ATP8A2: variants seen among roughly 807,000 people sequenced by gnomAD.
The protein encoded by ATP8A2 is phospholipid-transporting ATPase IB.
ATP8A2 carries 100 observed loss-of-function variants against 165.6 expected under a neutral mutation model. That is an observed-to-expected ratio of 0.60 (90% confidence interval 0.51 to 0.71). The LOEUF (loss-of-function observed/expected upper bound fraction) is 0.71, where lower values mean the gene tolerates loss of function less well. Ranked by LOEUF, ATP8A2 falls within the 30% of genes least tolerant of loss-of-function variation. The probability of loss-of-function intolerance (pLI) is 0.00; values close to 1 mark genes in which losing one functional copy is unlikely to be tolerated. For synonymous variants in ATP8A2, 543 were observed against 548.8 expected (o/e 0.99, Z 0.15); for missense variants, 1,227 against 1,479.5 (o/e 0.83, Z 2.80).
At position 25,826,694 on chromosome 13, in the gene ATP8A2, A is replaced by G. The variant is rs115594890; in HGVS notation, c.2680-1424A>G. ...ATGTGACACAGATAACGTTGATTCT[A>G]TGATTTGTATGGGACACTCTAAAGT... On this transcript the variant is annotated intron_variant, in intron 27 of 36. Coordinates refer to ENST00000381655, the MANE Select transcript of ATP8A2 (RefSeq NM_016529.6). Among the ~76,000 whole-genome samples, 469 of 152,316 alleles carry G rather than the reference A, an allele frequency of 3.1e-3. 5 individuals are homozygous for G. The highest frequency in any genetic ancestry group is 0.011 in the African/African-American group (439 of 41,574).
At chr13:25,809,039 C>T (rs986583761) in intron 27 of ATP8A2, among the ~76,000 whole-genome samples, 4 of 152,162 alleles carry the variant, frequency 2.6e-5, no homozygotes, top group African/African-American at 4.8e-5. Flanking sequence ...GAAATTTACA[C>T]GCTACATCTT....
intron 24 of ATP8A2, among the ~76,000 whole-genome samples, chr13:25,609,222 A>T (rs899034879): frequency 1.3e-5 from 2 of 152,066 alleles, no homozygotes; most frequent in African/African-American, 4.8e-5. Context: ...AAAAGCAAAA[A>T]GATAAAAATA....
At chr13:25,385,032 A>G (rs1479894602) in intron 1 of ATP8A2, among the ~76,000 whole-genome samples, 2 of 152,206 alleles carry the variant, frequency 1.3e-5, no homozygotes, top group Non-Finnish European at 2.9e-5. Context: ...ATGTTCCATA[A>G]ACAGTGGGGA....
chr13:25,421,849 G>C (rs1433605131), intron 1 of ATP8A2, among the ~76,000 whole-genome samples: 1 of 152,190 alleles, frequency 6.6e-6, no homozygotes, highest in African/African-American at 2.4e-5. Flanking sequence ...CAAATTCCAC[G>C]GCTTGGCAGG....
intron 33 of ATP8A2, among the ~76,000 whole-genome samples, chr13:25,865,983 C>G (rs1055999039): frequency 6.6e-6 from 1 of 152,042 alleles, no homozygotes; most frequent in Non-Finnish European, 1.5e-5. Flanking sequence ...AAAATGGGTC[C>G]CCAAAGCAAA....
intron 24 of ATP8A2, among the ~76,000 whole-genome samples, chr13:25,632,367 C>G (rs891417788): frequency 3.9e-5 from 6 of 152,104 alleles, no homozygotes; most frequent in African/African-American, 1.4e-4. Flanking sequence ...TCCCAACTCT[C>G]TAATCCTGCC....
chr13:25,625,747 C>A (rs772043683), intron 24 of ATP8A2, among the ~76,000 whole-genome samples: 8 of 151,844 alleles, frequency 5.3e-5, no homozygotes, highest in Admixed American at 2.6e-4. Context: ...CTCTGAATAA[C>A]TAGAAATTTC....
At chr13:25,695,445 T>G (rs910854400) in intron 24 of ATP8A2, among the ~76,000 whole-genome samples, 3 of 152,176 alleles carry the variant, frequency 2.0e-5, no homozygotes, top group African/African-American at 4.8e-5. Context: ...TTGACTCTAC[T>G]TTTCACAAAA....
intron 33 of ATP8A2, among the ~76,000 whole-genome samples, chr13:25,936,467 C>A (rs1264833530): frequency 2.0e-5 from 3 of 152,128 alleles, no homozygotes; most frequent in African/African-American, 7.2e-5. Flanking sequence ...TATCAGGACG[C>A]AAAACAAATG....
intron 6 of ATP8A2, 89 bp downstream of exon 6, chr13:25,533,402 T>A (rs2038178614): frequency 1.3e-6 from 1 of 741,416 alleles, no homozygotes; most frequent in East Asian, 2.7e-5. Context: ...AAAGTTTCTG[T>A]TAGACACAGT....
chr13:25,469,840 A>T (rs959599556), intron 2 of ATP8A2, among the ~76,000 whole-genome samples: 10 of 152,006 alleles, frequency 6.6e-5, no homozygotes, highest in African/African-American at 2.2e-4. Flanking sequence ...TAAGGATAAA[A>T]TTTTTTCTGC....
chr13:25,439,281 T>G (rs1005197129), intron 1 of ATP8A2, among the ~76,000 whole-genome samples: 4 of 152,032 alleles, frequency 2.6e-5, no homozygotes, highest in African/African-American at 9.7e-5. Flanking sequence ...GTGTGCCTAA[T>G]AGGGAGGCAC....
chr13:25,845,655 G>A (rs923628115), intron 30 of ATP8A2, among the ~76,000 whole-genome samples: 1 of 152,150 alleles, frequency 6.6e-6, no homozygotes, highest in African/African-American at 2.4e-5. Flanking sequence ...AGTAGTGCAC[G>A]TGTATAAAAT....
chr13:25,669,157 A>G (rs760746259), intron 24 of ATP8A2, among the ~76,000 whole-genome samples: 3 of 151,704 alleles, frequency 2.0e-5, no homozygotes, highest in Admixed American at 6.6e-5. Context: ...GTTATATGGT[A>G]TCCCTGGAAA....
At chr13:25,737,021 C>T (rs1267397120) in intron 25 of ATP8A2, among the ~76,000 whole-genome samples, 2 of 152,118 alleles carry the variant, frequency 1.3e-5, no homozygotes, top group Non-Finnish European at 2.9e-5. Flanking sequence ...TGATAACCCA[C>T]AGTGCTTGTG....
At chr13:25,908,143 A>G (rs766638811) in intron 33 of ATP8A2, among the ~76,000 whole-genome samples, 5 of 152,242 alleles carry the variant, frequency 3.3e-5, no homozygotes, top group Non-Finnish European at 7.3e-5. Flanking sequence ...TAGAAATCTC[A>G]TTTAAAGATA....
chr13:25,435,424 T>C (rs2034732088), intron 1 of ATP8A2, among the ~76,000 whole-genome samples: 1 of 152,150 alleles, frequency 6.6e-6, no homozygotes, highest in African/African-American at 2.4e-5. Flanking sequence ...CGGCTGGAAA[T>C]CTTTAATTAT....
At chr13:25,492,091 C>G (rs2036544698) in intron 2 of ATP8A2, among the ~76,000 whole-genome samples, 1 of 152,176 alleles carries the variant, frequency 6.6e-6, no homozygotes, top group Non-Finnish European at 1.5e-5. Context: ...GAGTCTCACT[C>G]TGTTGTCCAG....
At chr13:25,463,595 G>C (rs2035560954) in intron 1 of ATP8A2, among the ~76,000 whole-genome samples, 1 of 152,112 alleles carries the variant, frequency 6.6e-6, no homozygotes, top group Non-Finnish European at 1.5e-5. Context: ...GTCCATCATT[G>C]TCCTTGCTTC....
Sources: allele counts gnomAD v4.1 joint callset (sites outside exome capture counted in the v4.1 genomes callset), GRCh38; gene constraint gnomAD v4.1.1; transcripts MANE v1.5; gene names NCBI Gene and HGNC (gene_info 2026-07-23, HGNC 2026-07-21).